The following PALM2AKAP2 variants were observed in gnomAD, a reference collection of about 807,000 sequenced individuals.
PALM2AKAP2 encodes PALM2-AKAP2 fusion protein.
In PALM2AKAP2, 37 loss-of-function variants were observed where a neutral mutation model predicts 71.5. That is an observed-to-expected ratio of 0.52 (90% CI 0.40 to 0.68). The LOEUF (loss-of-function observed/expected upper bound fraction) is 0.68. PALM2AKAP2 is among the 30% of genes least tolerant of loss of function. The probability of loss-of-function intolerance (pLI) is 0.00; values close to 1 mark genes in which losing one functional copy is unlikely to be tolerated. For synonymous variants in PALM2AKAP2, 468 were observed against 478.8 expected (o/e 0.98, Z 0.29); for missense variants, 1,224 against 1,191.8 (o/e 1.03, Z -0.40).
chr9:110,135,963 C>T (rs1835854291), intron 1 of PALM2AKAP2, among the ~76,000 whole-genome samples, 164 bp from the exon 8 acceptor site: 1 of 152,194 alleles, frequency 6.6e-6, no homozygotes, highest in African/African-American at 2.4e-5. Flanking sequence ...CCTGTTACTA[C>T]AAGAAAATGA....
intron 7 of PALM2AKAP2, among the ~76,000 whole-genome samples, chr9:110,017,239 A>G (rs1250631233): frequency 6.6e-6 from 1 of 152,212 alleles, no homozygotes; most frequent in Non-Finnish European, 1.5e-5. Flanking sequence ...GATTTATTCA[A>G]GTTTTCTTTT....
intron 1 of PALM2AKAP2, among the ~76,000 whole-genome samples, chr9:109,741,164 G>A (rs781155776): frequency 2.0e-5 from 3 of 152,118 alleles, no homozygotes; most frequent in Non-Finnish European, 2.9e-5. Context: ...CAGCCCAGAG[G>A]TAACCAGTGT....
At chr9:109,867,570 A>G in exon 2 of PALM2AKAP2, 2 of 1,612,428 alleles carry the variant, frequency 1.2e-6, no homozygotes, top group Non-Finnish European at 1.7e-6. Context: ...CAGCATTCCA[A>G]GGTAAGCAGC....
At chr9:109,872,047 A>G (rs1376049997) in intron 2 of PALM2AKAP2, among the ~76,000 whole-genome samples, 2 of 152,116 alleles carry the variant, frequency 1.3e-5, no homozygotes, top group Non-Finnish European at 2.9e-5. Context: ...TATCACCTAC[A>G]TATTTCTGAC....
intron 1 of PALM2AKAP2, among the ~76,000 whole-genome samples, chr9:109,844,552 A>G (rs11789107): frequency 0.11 from 17,340 of 152,268 alleles, 1,432 homozygotes; most frequent in East Asian, 0.4. Context: ...CTGGGTAATG[A>G]ATAGATGGAG....
chr9:110,050,648 TC>T (rs11295831), intron 1 of PALM2AKAP2, among the ~76,000 whole-genome samples: 3,609 of 152,182 alleles, frequency 0.024, 160 homozygotes, highest in African/African-American at 0.082. Flanking sequence ...TTCTTTTCTT[TC>T]GAAGTTTTGC....
Position 109,906,215 on chromosome 9 carries a change from G to A in PALM2AKAP2, c.258-17520G>A, listed in dbSNP as rs540048341. Among the ~76,000 whole-genome samples, 7 of 152,196 alleles carry A rather than the reference G, an allele frequency of 4.6e-5. No individual in the cohort carries two copies. In the South Asian group the frequency reaches 1.2e-3, roughly 27 times the overall value. ...TAGTTTTACAATTTTGCGGGGGTAG[G>A]GGGGATGGAATCTTGCTCTGTCACC... On this transcript the variant is annotated intron_variant, in intron 3 of 9. Coordinates refer to the PALM2AKAP2 transcript ENST00000302798.
At chr9:110,121,134 A>T (rs1170348595) in intron 1 of PALM2AKAP2, among the ~76,000 whole-genome samples, 1 of 152,044 alleles carries the variant, frequency 6.6e-6, no homozygotes, top group Non-Finnish European at 1.5e-5. Context: ...GCCTTTTCTC[A>T]TCATTTTCCC....
chr9:109,803,720 C>G (rs763190276), intron 1 of PALM2AKAP2, among the ~76,000 whole-genome samples: 1 of 152,172 alleles, frequency 6.6e-6, no homozygotes, highest in Non-Finnish European at 1.5e-5. Flanking sequence ...GCACCATAGT[C>G]CCAATTCTCC....
intron 3 of PALM2AKAP2, among the ~76,000 whole-genome samples, chr9:109,905,097 C>T (rs763560556): frequency 6.6e-6 from 1 of 152,208 alleles, no homozygotes; most frequent in African/African-American, 2.4e-5. Context: ...AAATCTGCAT[C>T]ATTCTCGACA....
intron 3 of PALM2AKAP2, among the ~76,000 whole-genome samples, chr9:109,919,676 C>T (rs1035370520): frequency 6.6e-6 from 1 of 150,412 alleles, no homozygotes; most frequent in African/African-American, 2.5e-5. Flanking sequence ...ATATAACTGG[C>T]ATATACATTA....
intron 6 of PALM2AKAP2, among the ~76,000 whole-genome samples, chr9:109,965,696 G>A (rs1044988236): frequency 6.6e-6 from 1 of 151,978 alleles, no homozygotes; most frequent in Admixed American, 6.5e-5. Flanking sequence ...TAATGCTATC[G>A]AACTGTAAAC....
At chr9:110,112,916 A>G (rs906921859) in intron 1 of PALM2AKAP2, among the ~76,000 whole-genome samples, 2 of 152,266 alleles carry the variant, frequency 1.3e-5, no homozygotes, top group African/African-American at 4.8e-5. Flanking sequence ...AATGCCCAGC[A>G]TATCATAAAT....
chr9:109,667,932 T>TAAAGTAATTGAGCTACATATCCC (rs1587860398), intron 1 of PALM2AKAP2, among the ~76,000 whole-genome samples: 1 of 81,206 alleles, frequency 1.2e-5, no homozygotes, highest in African/African-American at 6.0e-5. Flanking sequence ...GCTTTGGTTT[T>TAAAGTAATTGAGCTACATATCCC]TTTTTTTTTT....
At chr9:110,116,600 T>C (rs1835369081) in intron 1 of PALM2AKAP2, among the ~76,000 whole-genome samples, 3 of 152,248 alleles carry the variant, frequency 2.0e-5, no homozygotes, top group Admixed American at 2.0e-4. Flanking sequence ...TCCTATGACA[T>C]ATTCTGTCTG....
intron 1 of PALM2AKAP2, among the ~76,000 whole-genome samples, chr9:110,075,163 CCTG>C (rs1481874005): frequency 6.6e-6 from 1 of 152,152 alleles, no homozygotes; most frequent in Non-Finnish European, 1.5e-5. Flanking sequence ...ATGCACCAGA[CCTG>C]TAGTTCACCC....
At chr9:109,979,022 C>G (rs1442289020) in intron 6 of PALM2AKAP2, among the ~76,000 whole-genome samples, 1 of 151,236 alleles carries the variant, frequency 6.6e-6, no homozygotes, top group Non-Finnish European at 1.5e-5. Flanking sequence ...CAGAGTGTTG[C>G]TCTGTCACCT....
chr9:110,047,806 A>G (rs1222889051), upstream of PALM2AKAP2, among the ~76,000 whole-genome samples: 1 of 152,192 alleles, frequency 6.6e-6, no homozygotes, highest in African/African-American at 2.4e-5. Context: ...GTCCTCTCTC[A>G]GGATTTCTAG....
At chr9:109,969,345 G>A (rs1304890586) in intron 6 of PALM2AKAP2, among the ~76,000 whole-genome samples, 1 of 152,216 alleles carries the variant, frequency 6.6e-6, no homozygotes, top group South Asian at 2.1e-4. Context: ...ACAGTCTCCC[G>A]CTCTGTCCTA....
Sources: gnomAD v4.1 joint callset for allele counts (sites outside exome capture counted in the v4.1 genomes callset) on GRCh38, gnomAD v4.1.1 for gene constraint, MANE v1.5 for transcripts, NCBI Gene and HGNC (gene_info 2026-07-23, HGNC 2026-07-21) for gene names.